The following INTS10 variants were observed in gnomAD, a reference collection of about 807,000 sequenced individuals.
INTS10 encodes the protein integrator complex subunit 10.
In INTS10, 44 loss-of-function variants were observed where a neutral mutation model predicts 94.4. The observed-to-expected ratio is 0.47, with a 90% CI of 0.37 to 0.60. The LOEUF (loss-of-function observed/expected upper bound fraction) is 0.60. INTS10 is among the 20% of genes least tolerant of loss of function. INTS10 has a pLI of 0.00. For missense variants in INTS10, 797 were observed against 868.7 expected, an observed-to-expected ratio of 0.92 and a Z score of 1.04; for synonymous variants, 341 against 320.7, an observed-to-expected ratio of 1.06 and a Z score of -0.68.
At position 19,845,728 on chromosome 8, in the gene INTS10, C is replaced by T; in HGVS notation, c.1907C>T (p.Ala636Val). The change falls in exon 16 of 17, where the codon GCC (alanine) becomes GTC (valine). Residue 636 changes from alanine to valine, a missense_variant. Physicochemically the swap from Ala to Val is moderately conservative, Grantham distance 64 (BLOSUM62 0). Transcript: ENST00000397977. ...GATATTGATATGCTGGAGGAATTTGCCTACTTGAGAACTCAGGAAGGTGGG... is the reference window on the plus strand; with the variant it reads ...GATATTGATATGCTGGAGGAATTTGTCTACTTGAGAACTCAGGAAGGTGGG... The part of the protein sequence containing the change: ...VTNIDMLEEF[A>V]YLRTQEGGKI... 1 of 1,613,452 alleles carries T rather than the reference C, an allele frequency of 6.2e-7. No individual in the cohort carries two copies. The highest frequency in any genetic ancestry group is 8.5e-7 in the Non-Finnish European group (1 of 1,179,424).
At chr8:19,820,674 A>C (rs1447937408) in intron 4 of INTS10, among the ~76,000 whole-genome samples, 156 bp downstream of exon 4, 1 of 152,234 alleles carries the variant, frequency 6.6e-6, no homozygotes, top group African/African-American at 2.4e-5. Flanking sequence ...AGCTAAAAGG[A>C]CATTCTTTTC....
intron 6 of INTS10, among the ~76,000 whole-genome samples, chr8:19,823,644 C>A (rs936688498): frequency 3.9e-5 from 6 of 152,086 alleles, no homozygotes; most frequent in Admixed American, 3.9e-4. Flanking sequence ...AGTCTTCTGG[C>A]TGAGCTGTAA....
chr8:19,817,640 C>A lies in INTS10; in HGVS notation c.103C>A (p.Leu35Ile). 1 of 1,607,416 alleles carries A rather than the reference C, an allele frequency of 6.2e-7. No individual in the cohort carries two copies. The highest frequency in any genetic ancestry group is 8.5e-7 in the Non-Finnish European group (1 of 1,177,610). The change falls in exon 1 of 17, where the codon CTC becomes ATC. Residue 35 changes from leucine to isoleucine, a missense_variant. Around this residue, in one of 3 missense-constraint regions of INTS10, gnomAD observed 734 missense variants for 787.8 expected, o/e 0.93. Transcript: ENST00000397977. ...GGCGTGGCTGATCACGGCCCGCAGC[C>A]TCTACCCGGCAGACTTTAACATCCA... The part of the protein sequence containing the change: ...AKAWLITARS[L>I]YPADFNIQYE...
chr8:19,843,953 C>G lies in INTS10; in HGVS notation c.1720-123C>G. Reference sequence around the variant, plus strand: ...TCGTTGTGCCTTTGTTTCCTTCTTACTCTAATGACGTTTATCACACATTTG... The same window carrying G: ...TCGTTGTGCCTTTGTTTCCTTCTTAGTCTAATGACGTTTATCACACATTTG... On this transcript the variant is annotated intron_variant, in intron 14 of 16. Transcript: ENST00000397977. The surrounding 1 kb of genome is among the most constrained non-coding windows in gnomAD (Gnocchi z 4.7). 1.5e-6 allele frequency: 1 copy of G among 681,484 alleles called. No homozygotes were observed. The highest frequency in any genetic ancestry group is 2.6e-4 in the Middle Eastern group (1 of 3,906). The allele number at this position is 681,484 out of a possible 1,614,324, so 42.2% of individuals were successfully genotyped here. A position where few individuals can be genotyped will look rare whatever the true frequency, so the allele number is the denominator to read the frequency against.
At chr8:19,830,699 C>T in intron 10 of INTS10, 140 bp downstream of exon 10, 3 of 804,738 alleles carry the variant, frequency 3.7e-6, no homozygotes, top group Non-Finnish European at 2.0e-6. Flanking sequence ...GAGACGGAGT[C>T]TCACTCTTTT....
chr8:19,836,783 CT>C (rs1176258514), intron 12 of INTS10, among the ~76,000 whole-genome samples: 1 of 152,150 alleles, frequency 6.6e-6, no homozygotes, highest in Non-Finnish European at 1.5e-5. Flanking sequence ...CACCTCAGTA[CT>C]TAATGCTTGG....
In INTS10 at chr8:19,824,836, T is replaced by A. The variant is rs1460771002; in HGVS notation, c.870T>A (p.Asp290Glu). Residue 290 changes from aspartate to glutamate, a missense_variant, in exon 8 of 17, where the codon GAT becomes GAA. Physicochemically the swap from Asp to Glu is conservative, Grantham distance 45. Coordinates refer to ENST00000397977, the MANE Select transcript of INTS10 (RefSeq NM_018142.4). ...SYGDILHRMK[D>E]LCRYMNNFDS... is the part of the protein sequence containing the mutation. The stretch of plus-strand genomic sequence containing the variant: ...GAGATATTTTGCATAGAATGAAGGA[T>A]CTCTGCAGATACATGAACAACTTTG... The A allele has an allele frequency of 3.1e-6, 5 of 1,611,944 alleles. No homozygotes were observed. The highest frequency in any genetic ancestry group is 2.2e-5 in the East Asian group (1 of 44,838).
At chr8:19,829,563 G>T (rs1214273614) in intron 9 of INTS10, among the ~76,000 whole-genome samples, 1 of 152,188 alleles carries the variant, frequency 6.6e-6, no homozygotes, top group Admixed American at 6.5e-5. Context: ...ACCTTGCACT[G>T]GGGGAGGAGA....
In INTS10 at chr8:19,826,554, A is replaced by C. The variant is rs1206057519; in HGVS notation, c.1135A>C (p.Thr379Pro). Residue 379 changes from threonine (T) to proline (P), a missense_variant, in exon 9 of 17, where the codon ACC becomes CCC. Transcript: ENST00000397977. ...KRKLAEGREK[T>P]MSSDDEDCSA... ...GAAACTAGCTGAAGGAAGAGAAAAA[A>C]CCATGGTAAGGCTTTCAAATATACT... 2.5e-6 allele frequency: 4 copies of C among 1,611,160 alleles called. No individual in the cohort carries two copies. Among genetic ancestry groups the C allele is most frequent in the East Asian group, 2.2e-5 (1 of 44,756 alleles).
chr8:19,817,752 G>C, intron 1 of INTS10, 86 bp downstream of exon 1: 1 of 1,494,758 alleles, frequency 6.7e-7, no homozygotes, highest in Non-Finnish European at 9.0e-7. Flanking sequence ...AGCTGCGCCT[G>C]CCTGGGGGCT....
intron 2 of INTS10, among the ~76,000 whole-genome samples, chr8:19,819,228 C>G (rs1256465997): frequency 1.3e-5 from 2 of 152,160 alleles, no homozygotes; most frequent in African/African-American, 4.8e-5. Context: ...TAATAAGATT[C>G]AGTATTGTTT....
rs772982633 is a variant in INTS10 at position 19,823,955 on chromosome 8, A to T, written c.747A>T (p.Ser249=). 2.5e-6 allele frequency: 4 copies of T among 1,613,872 alleles called. No individual in the cohort carries two copies. The highest frequency in any genetic ancestry group is 1.7e-5 in the Admixed American group (1 of 59,994). Residue 249 remains serine (S), a synonymous_variant, in exon 7 of 17, where the codon TCA becomes TCT. Coordinates refer to ENST00000397977, the MANE Select transcript of INTS10 (RefSeq NM_018142.4). ...KYIIEGLTEK[S]SQIVDPWERL... ...TAATAGAAGGGCTGACGGAAAAATC[A>T]TCCCAGATCGTGGACCCTTGGGAGA...
At chr8:19,847,742 A>C (rs942608537) in intron 16 of INTS10, among the ~76,000 whole-genome samples, 4 of 152,220 alleles carry the variant, frequency 2.6e-5, no homozygotes, top group Non-Finnish European at 5.9e-5. Context: ...CTGAAGAGTG[A>C]CATAAGTCCA....
chr8:19,833,349 C>T (rs372270856), intron 12 of INTS10, 28 bp downstream of exon 12: 15 of 1,487,346 alleles, frequency 1.0e-5, no homozygotes, highest in Admixed American at 7.0e-5. Context: ...ACATGCCTGC[C>T]GCAGGTGCAC....
At chr8:19,835,154 G>A (rs1385585533) in intron 12 of INTS10, among the ~76,000 whole-genome samples, 1 of 152,102 alleles carries the variant, frequency 6.6e-6, no homozygotes, top group East Asian at 1.9e-4. Flanking sequence ...GATTCTTCCA[G>A]TGTGATACTA....
chr8:19,817,684 C>T lies in INTS10; in HGVS notation c.129+18C>T. The stretch of plus-strand genomic sequence containing the variant: ...ACATCCAGGTGAGGTCCCGGCTGTG[C>T]ATGCGGCCGCTCTGCGTGGAGGTGC... On this transcript the variant is annotated intron_variant, in intron 1 of 16. Coordinates refer to ENST00000397977, the MANE Select transcript of INTS10 (RefSeq NM_018142.4). 6.3e-7 allele frequency: 1 copy of T among 1,597,726 alleles called. No homozygotes were observed.
At chr8:19,823,004 T>C (rs545589343) in intron 5 of INTS10, among the ~76,000 whole-genome samples, 1 of 152,118 alleles carries the variant, frequency 6.6e-6, no homozygotes, top group South Asian at 2.1e-4. Context: ...TAAGATTTGA[T>C]ACCTCTGAAA....
Position 19,845,500 on chromosome 8 carries a change from G to T in INTS10, c.1883-204G>T. 1.4e-5 allele frequency: 8 copies of T among 575,154 alleles called. No homozygotes were observed. The South Asian group carries it at 1.7e-4, about 12-fold the overall frequency. The allele number at this position is 575,154 out of a possible 1,614,324, so 35.6% of individuals were successfully genotyped here. On this transcript the variant is annotated intron_variant, in intron 15 of 16. Transcript: ENST00000397977. ...AGGTTTTGGCATCAGACAGATCTGG[G>T]TTCAAATATGGAGTCTGCAGTTAGT...
intron 10 of INTS10, 145 bp downstream of exon 10, chr8:19,830,704 T>G: frequency 1.3e-6 from 1 of 753,114 alleles, no homozygotes; most frequent in South Asian, 1.8e-5. Flanking sequence ...GGAGTCTCAC[T>G]CTTTTTCACC....
Sources: gnomAD v4.1 joint callset for allele counts (sites outside exome capture counted in the v4.1 genomes callset) on GRCh38, gnomAD v4.1.1 for gene constraint, gnomAD v4.1.1 regional missense constraint, Gnocchi (gnomAD v3.1) non-coding constraint, MANE v1.5 for transcripts, NCBI Gene and HGNC (gene_info 2026-07-23, HGNC 2026-07-21) for gene names.